The following UGGT2 variants were observed in gnomAD, a reference collection of about 807,000 sequenced individuals.
The protein encoded by UGGT2 is UDP-glucose:glycoprotein glucosyltransferase 2.
UGGT2 carries 180 observed loss-of-function variants against 192.1 expected under a neutral mutation model. That is an observed-to-expected ratio of 0.94 (90% confidence interval 0.83 to 1.06). UGGT2 has a LOEUF of 1.06. Ranked by LOEUF, UGGT2 falls within the 50% of genes least tolerant of loss-of-function variation. The probability of loss-of-function intolerance (pLI) is 0.00; values close to 1 mark genes in which losing one functional copy is unlikely to be tolerated. For synonymous variants in UGGT2, 580 were observed against 591.0 expected, an observed-to-expected ratio of 0.98 and a Z score of 0.27; for missense variants, 1,849 against 1,795.7, an observed-to-expected ratio of 1.03 and a Z score of -0.54.
chr13:95,909,333 C>G (rs2048398501), intron 20 of UGGT2, among the ~76,000 whole-genome samples: 2 of 151,670 alleles, frequency 1.3e-5, no homozygotes, highest in African/African-American at 4.8e-5. Context: ...TTCACAATAG[C>G]AAAGACTTGG....
intron 15 of UGGT2, among the ~76,000 whole-genome samples, chr13:95,945,587 T>C (rs2049838495): frequency 6.6e-6 from 1 of 152,156 alleles, no homozygotes; most frequent in South Asian, 2.1e-4. Context: ...AGATTCAATA[T>C]TGATAATTAA....
chr13:95,940,844 C>T (rs551591741), intron 15 of UGGT2, among the ~76,000 whole-genome samples: 14 of 152,262 alleles, frequency 9.2e-5, no homozygotes, highest in African/African-American at 2.9e-4. Context: ...CTACCTGCCT[C>T]GGCCTCCCAA....
chr13:96,032,326 A>T (rs1319585552), intron 1 of UGGT2, among the ~76,000 whole-genome samples: 1 of 152,090 alleles, frequency 6.6e-6, no homozygotes, highest in African/African-American at 2.4e-5. Context: ...ATAGAACATT[A>T]TATAAAGGTA....
intron 1 of UGGT2, among the ~76,000 whole-genome samples, chr13:96,042,215 C>T (rs2139203165): frequency 1.3e-5 from 2 of 152,308 alleles, no homozygotes; most frequent in South Asian, 4.1e-4. Context: ...GCAGACAATT[C>T]CTAGTACCAG....
chr13:95,981,539 T>G (rs953965450), intron 10 of UGGT2, among the ~76,000 whole-genome samples: 6 of 152,152 alleles, frequency 3.9e-5, no homozygotes, highest in African/African-American at 1.2e-4. Context: ...TCCTTCAAAT[T>G]TCTTAAGTAA....
intron 1 of UGGT2, among the ~76,000 whole-genome samples, chr13:96,035,758 T>C (rs181594457): frequency 2.0e-5 from 3 of 152,088 alleles, no homozygotes; most frequent in African/African-American, 7.2e-5. Flanking sequence ...AGGACATGAA[T>C]AGACACTTAT....
intron 36 of UGGT2, among the ~76,000 whole-genome samples, chr13:95,841,706 TTATC>T (rs1457644605): frequency 6.6e-6 from 1 of 152,242 alleles, no homozygotes; most frequent in African/African-American, 2.4e-5. Flanking sequence ...TGATGCTAAT[TTATC>T]TTTTTCTTTT....
rs371063364 is a variant in UGGT2 at position 95,939,841 on chromosome 13, T to C, written c.1812+116A>G. 40 of 840,514 alleles carry C rather than the reference T, an allele frequency of 4.8e-5. No individual in the cohort carries two copies. The African/African-American group carries it at 6.4e-4, about 13-fold the overall frequency. The allele number at this position is 840,514 out of a possible 1,614,324, so 52.1% of individuals were successfully genotyped here. ...CATCCCCAGCCTCTGGTAACCCCCA[T>C]TTTACTCTGTTTCTGTGAGTCTGAC... is the stretch of plus-strand genomic sequence containing the variant. On this transcript the variant is annotated intron_variant, in intron 16 of 38. Transcript: ENST00000376747.
chr13:96,002,466 T>C (rs942501585), intron 5 of UGGT2, among the ~76,000 whole-genome samples: 3 of 152,198 alleles, frequency 2.0e-5, no homozygotes, highest in Non-Finnish European at 4.4e-5. Context: ...ATAAGGAATG[T>C]TTCTCTCTTA....
intron 13 of UGGT2, 22 bp from the exon 14 acceptor site, chr13:95,948,103 T>A (rs2049937464): frequency 6.3e-7 from 1 of 1,582,822 alleles, no homozygotes; most frequent in Admixed American, 1.7e-5. Context: ...ATAGTATATA[T>A]CACTATTTCA....
chr13:96,025,945 A>C (rs1311460140), intron 2 of UGGT2, among the ~76,000 whole-genome samples: 2 of 152,178 alleles, frequency 1.3e-5, no homozygotes, highest in Admixed American at 1.3e-4. Flanking sequence ...AAAGGAGAGA[A>C]GGGAAAAATG....
At chr13:96,034,550 C>T (rs1450014823) in intron 1 of UGGT2, among the ~76,000 whole-genome samples, 4 of 152,202 alleles carry the variant, frequency 2.6e-5, no homozygotes, top group African/African-American at 9.7e-5. Context: ...ACATTGCAGG[C>T]AATGAAAAGG....
intron 5 of UGGT2, among the ~76,000 whole-genome samples, chr13:96,005,672 C>T (rs890706145): frequency 6.6e-6 from 1 of 152,164 alleles, no homozygotes; most frequent in African/African-American, 2.4e-5. Context: ...GGATCAGAAA[C>T]CTTGAGGCCC....
chr13:96,013,615 A>T (rs571448061), intron 4 of UGGT2, 134 bp from the exon 5 acceptor site: 12 of 578,060 alleles, frequency 2.1e-5, no homozygotes, highest in Non-Finnish European at 2.9e-5. Flanking sequence ...TCCTGTGATG[A>T]CTTTGTACAC....
Position 95,825,224 on chromosome 13 carries a change from G to A in UGGT2, c.4528+7703C>T, listed in dbSNP as rs139428644. 2.1e-3 allele frequency among the ~76,000 whole-genome samples: 319 copies of A among 152,242 alleles called. 4 individuals are homozygous for A. The highest frequency in any genetic ancestry group is 7.2e-3 in the African/African-American group (299 of 41,552). On this transcript the variant is annotated intron_variant, in intron 38 of 38. Coordinates refer to ENST00000376747, the MANE Select transcript of UGGT2 (RefSeq NM_020121.4). ...ATTTCTCCCCAGTATTTTATTTACT[G>A]AGTTGATGGTTCAGGCTTCAGGATA...
intron 38 of UGGT2, among the ~76,000 whole-genome samples, chr13:95,824,602 T>C (rs1044047028): frequency 2.6e-5 from 4 of 152,206 alleles, no homozygotes; most frequent in African/African-American, 9.6e-5. Flanking sequence ...TGGCATTTTA[T>C]AGTTCCCTAA....
intron 38 of UGGT2, among the ~76,000 whole-genome samples, chr13:95,806,466 ATCAGACGGCAGTACTAC>A (rs904408286): frequency 2.0e-5 from 3 of 152,210 alleles, no homozygotes; most frequent in African/African-American, 7.2e-5. Flanking sequence ...AAGAAAGAAC[ATCAGACGGCAGTACTAC>A]TCAAAGTGAT....
At chr13:95,969,466 GA>G (rs976799812) in intron 12 of UGGT2, among the ~76,000 whole-genome samples, 2 of 152,118 alleles carry the variant, frequency 1.3e-5, no homozygotes, top group African/African-American at 4.8e-5. Flanking sequence ...GATTGTTAAG[GA>G]AAGTTTCTCT....
At chr13:95,874,698 CCTT>C (rs774291588) in intron 29 of UGGT2, among the ~76,000 whole-genome samples, 1 of 151,930 alleles carries the variant, frequency 6.6e-6, no homozygotes, top group Non-Finnish European at 1.5e-5. Flanking sequence ...TTCTCCTCCT[CCTT>C]CTTATTTTGA....
Sources: allele counts gnomAD v4.1 joint callset (sites outside exome capture counted in the v4.1 genomes callset), GRCh38; gene constraint gnomAD v4.1.1; transcripts MANE v1.5; gene names NCBI Gene and HGNC (gene_info 2026-07-23, HGNC 2026-07-21).